ATE1: variants seen among roughly 807,000 people sequenced by gnomAD.
ATE1 encodes the protein arginyl-tRNA--protein transferase 1.
Under a neutral mutation model 70.5 loss-of-function variants are expected in ATE1, and 36 were observed. The ratio of observed to expected loss-of-function variants is 0.51; its 90% CI spans 0.39 to 0.67. The LOEUF (loss-of-function observed/expected upper bound fraction) is 0.67, where lower values mean the gene tolerates loss of function less well. Among genes scored for constraint, ATE1 ranks in the 30% least tolerant of loss-of-function variants. The pLI, the probability that ATE1 is intolerant of heterozygous loss-of-function variation, is 0.00. For missense variants in ATE1, 593 were observed against 629.5 expected, an observed-to-expected ratio of 0.94 and a Z score of 0.62; for synonymous variants, 232 against 219.3, an observed-to-expected ratio of 1.06 and a Z score of -0.51.
intron 10 of ATE1, among the ~76,000 whole-genome samples, chr10:121,808,094 C>CT (rs1947172550): frequency 6.6e-6 from 1 of 152,132 alleles, no homozygotes; most frequent in South Asian, 2.1e-4. Context: ...TTGTGGGGAT[C>CT]TACACATCTG....
intron 9 of ATE1, among the ~76,000 whole-genome samples, chr10:121,839,618 T>C (rs1297627845): frequency 1.3e-5 from 2 of 152,186 alleles, no homozygotes; most frequent in African/African-American, 2.4e-5. Context: ...CCAACAGCCA[T>C]AAATATTTTT....
At chr10:121,921,783 C>T (rs1951892301) in intron 3 of ATE1, among the ~76,000 whole-genome samples, 1 of 152,202 alleles carries the variant, frequency 6.6e-6, no homozygotes, top group African/African-American at 2.4e-5. Context: ...CCACCCCCTT[C>T]TGTGAACTGT....
chr10:121,887,227 C>T (rs1197326001), intron 7 of ATE1, among the ~76,000 whole-genome samples: 1 of 152,130 alleles, frequency 6.6e-6, no homozygotes, highest in Non-Finnish European at 1.5e-5. Flanking sequence ...CAGCTTCCAC[C>T]GTCTCCTTTC....
At chr10:121,858,454 T>C (rs1028968593) in intron 8 of ATE1, among the ~76,000 whole-genome samples, 1 of 151,918 alleles carries the variant, frequency 6.6e-6, no homozygotes, top group Non-Finnish European at 1.5e-5. Context: ...CATTTTTATA[T>C]GTTTTGGTTT....
chr10:121,913,682 G>GTA, intron 4 of ATE1, 108 bp downstream of exon 4: 1 of 649,440 alleles, frequency 1.5e-6, no homozygotes, highest in Non-Finnish European at 2.7e-6. Flanking sequence ...CATCATAGTA[G>GTA]TAGCAGTACA....
At chr10:121,761,403 G>A (rs1247223705) in intron 11 of ATE1, among the ~76,000 whole-genome samples, 1 of 152,170 alleles carries the variant, frequency 6.6e-6, no homozygotes, top group East Asian at 1.9e-4. Flanking sequence ...TTTGCTGAAG[G>A]CTCAGATGAT....
intron 6 of ATE1, 23 bp from the exon 7 acceptor site, chr10:121,900,017 A>C (rs773800669): frequency 2.7e-5 from 43 of 1,610,252 alleles, no homozygotes; most frequent in Non-Finnish European, 3.0e-5. Flanking sequence ...TTAAAAAAAC[A>C]AGTTTACTAA....
chr10:121,913,170 C>T (rs1265264785), intron 4 of ATE1, among the ~76,000 whole-genome samples: 1 of 152,108 alleles, frequency 6.6e-6, no homozygotes, highest in East Asian at 1.9e-4. Flanking sequence ...TGAGCCACTG[C>T]CCCCGGCCCC....
chr10:121,772,462 A>T (rs1019522519), intron 11 of ATE1, among the ~76,000 whole-genome samples: 1 of 151,996 alleles, frequency 6.6e-6, no homozygotes, highest in Admixed American at 6.6e-5. Flanking sequence ...TCTTCGTAAA[A>T]CTCTTGTTAA....
At chr10:121,852,439 C>A (rs1199721486) in intron 8 of ATE1, among the ~76,000 whole-genome samples, 1 of 152,052 alleles carries the variant, frequency 6.6e-6, no homozygotes, top group African/African-American at 2.4e-5. Context: ...AACACTTCAC[C>A]GAAGTTTGAA....
Position 121,842,941 on chromosome 10 carries a change from A to G in ATE1, c.976-1678T>C, listed in dbSNP as rs544175130. The stretch of plus-strand genomic sequence containing the variant: ...GAACAAGGTAAGGATATCCTCTCTC[A>G]TCACTCCTAGTCAACATCATATTAG... On this transcript the variant is annotated intron_variant, in intron 8 of 11. Transcript: ENST00000224652. Among the ~76,000 whole-genome samples the G allele has an allele frequency of 2.0e-5, 3 of 152,288 alleles. No homozygotes were observed. In the East Asian group the frequency reaches 5.8e-4, roughly 29 times the overall value.
chr10:121,854,860 C>G (rs1251984965), intron 8 of ATE1, among the ~76,000 whole-genome samples: 1 of 152,120 alleles, frequency 6.6e-6, no homozygotes, highest in African/African-American at 2.4e-5. Flanking sequence ...CTTGGTGTAA[C>G]CCATGGGCTC....
chr10:121,896,365 A>C (rs555076324), intron 7 of ATE1, among the ~76,000 whole-genome samples: 3 of 152,372 alleles, frequency 2.0e-5, no homozygotes, highest in Admixed American at 6.5e-5. Flanking sequence ...AGTACAGCAA[A>C]ATAACAACAA....
intron 10 of ATE1, among the ~76,000 whole-genome samples, chr10:121,814,740 G>C (rs1217730521): frequency 6.6e-6 from 1 of 152,158 alleles, no homozygotes; most frequent in Non-Finnish European, 1.5e-5. Context: ...GGAAAAACTG[G>C]CTTTCATTCT....
chr10:121,745,948 CA>C (rs906960977), intron 11 of ATE1, among the ~76,000 whole-genome samples: 22 of 152,186 alleles, frequency 1.4e-4, no homozygotes, highest in African/African-American at 5.3e-4. Flanking sequence ...AAGTGAAAGG[CA>C]AAAGTAGGCA....
chr10:121,864,088 T>TA (rs1183753846), intron 8 of ATE1, among the ~76,000 whole-genome samples: 15 of 152,210 alleles, frequency 9.9e-5, no homozygotes, highest in Non-Finnish European at 2.1e-4. Flanking sequence ...TGTGGCCACT[T>TA]AGCCTTAAGT....
At chr10:121,893,316 A>T (rs1391295047) in intron 7 of ATE1, among the ~76,000 whole-genome samples, 1 of 151,938 alleles carries the variant, frequency 6.6e-6, no homozygotes, top group East Asian at 1.9e-4. Context: ...AACGTTATGT[A>T]GATAATTGTA....
At chr10:121,817,351 AC>A (rs1947589714) in intron 10 of ATE1, among the ~76,000 whole-genome samples, 1 of 152,136 alleles carries the variant, frequency 6.6e-6, no homozygotes, top group Non-Finnish European at 1.5e-5. Flanking sequence ...CCACGGTGAA[AC>A]CCCGTCTCTA....
Position 121,841,086 on chromosome 10 carries a change from G to T in ATE1, c.1153C>A (p.Leu385Ile), listed in dbSNP as rs1324453442. 1.3e-6 allele frequency: 2 copies of T among 1,553,200 alleles called. No individual in the cohort carries two copies. Among genetic ancestry groups the T allele is most frequent in the Non-Finnish European group, 1.7e-6 (2 of 1,143,708 alleles). ...SFLSLGVYSA[L>I]REIAFTRQLH... is the part of the protein sequence containing the mutation. Reference sequence around the variant, plus strand: ...AACGGCAAAAAGCAATCTTACCGTAGTGCAGAGTAGACGCCCAAAGACAAA... The same window carrying T: ...AACGGCAAAAAGCAATCTTACCGTATTGCAGAGTAGACGCCCAAAGACAAA... The change falls in exon 9 of 12, where the codon CTA (leucine) becomes ATA (isoleucine). Residue 385 changes from leucine (L) to isoleucine (I), a missense_variant. This residue lies in a region of ATE1 where 467 missense variants were observed against 469.6 expected (regional missense o/e 0.99). Coordinates refer to ENST00000224652, the MANE Select transcript of ATE1 (RefSeq NM_001001976.3).
Sources: gnomAD v4.1 joint callset for allele counts (sites outside exome capture counted in the v4.1 genomes callset) on GRCh38, gnomAD v4.1.1 for gene constraint, gnomAD v4.1.1 regional missense constraint, MANE v1.5 for transcripts, NCBI Gene and HGNC (gene_info 2026-07-23, HGNC 2026-07-21) for gene names.